ANKS1B: variants seen among roughly 807,000 people sequenced by gnomAD.
ANKS1B encodes ankyrin repeat and sterile alpha motif domain containing 1B, also known as ankyrin repeat and sterile alpha motif domain-containing protein 1B.
ANKS1B carries 36 observed loss-of-function variants against 148.3 expected under a neutral mutation model. That is an observed-to-expected ratio of 0.24 (90% CI 0.19 to 0.32). ANKS1B has a LOEUF of 0.32. Ranked by LOEUF, ANKS1B falls within the 10% of genes least tolerant of loss-of-function variation. The probability of loss-of-function intolerance (pLI) is 1.00; values close to 1 mark genes in which losing one functional copy is unlikely to be tolerated. For synonymous variants in ANKS1B, 542 were observed against 560.8 expected, an observed-to-expected ratio of 0.97 and a Z score of 0.47; for missense variants, 1,157 against 1,542.6, an observed-to-expected ratio of 0.75 and a Z score of 4.19.
chr12:98,905,292 T>C (rs1317177347), intron 17 of ANKS1B, among the ~76,000 whole-genome samples: 1 of 152,194 alleles, frequency 6.6e-6, no homozygotes, highest in Admixed American at 6.5e-5. Flanking sequence ...GTCAGAACAG[T>C]GACAGATAAC....
At chr12:99,523,844 A>C (rs1402198645) in intron 9 of ANKS1B, among the ~76,000 whole-genome samples, 1 of 152,066 alleles carries the variant, frequency 6.6e-6, no homozygotes, top group African/African-American at 2.4e-5. Flanking sequence ...GAGCCACCAC[A>C]CCCAGCCTAT....
chr12:99,261,835 C>A (rs113823506), intron 12 of ANKS1B, among the ~76,000 whole-genome samples: 1 of 152,074 alleles, frequency 6.6e-6, no homozygotes, highest in African/African-American at 2.4e-5. Flanking sequence ...TTCAATGGCA[C>A]CTTGATCCAC....
intron 1 of ANKS1B, among the ~76,000 whole-genome samples, chr12:99,853,556 C>T (rs1318448908): frequency 6.6e-6 from 1 of 152,132 alleles, no homozygotes; most frequent in Non-Finnish European, 1.5e-5. Flanking sequence ...ATCAAGGGAG[C>T]ACCCTGTGGT....
chr12:99,098,668 A>G (rs2057042120), intron 15 of ANKS1B, among the ~76,000 whole-genome samples: 1 of 60,130 alleles, frequency 1.7e-5, no homozygotes, highest in Admixed American at 2.8e-4. Context: ...TTTAGAACAT[A>G]GCACTGTAAA....
At chr12:99,502,355 T>A (rs994996431) in intron 10 of ANKS1B, among the ~76,000 whole-genome samples, 2 of 152,176 alleles carry the variant, frequency 1.3e-5, no homozygotes, top group African/African-American at 2.4e-5. Flanking sequence ...ATGACCGCTG[T>A]GGGTCACTTT....
intron 17 of ANKS1B, among the ~76,000 whole-genome samples, chr12:98,972,527 G>A (rs2099884158): frequency 6.6e-6 from 1 of 152,170 alleles, no homozygotes; most frequent in African/African-American, 2.4e-5. Flanking sequence ...ACCAAGTTGA[G>A]ATCATTGCCC....
chr12:99,417,704 C>A (rs2094951508), intron 11 of ANKS1B, among the ~76,000 whole-genome samples: 1 of 152,010 alleles, frequency 6.6e-6, no homozygotes, highest in Non-Finnish European at 1.5e-5. Flanking sequence ...CTTCTTTGAA[C>A]ATTTTTTTTC....
At chr12:99,976,347 A>C (rs1462221479) in intron 1 of ANKS1B, among the ~76,000 whole-genome samples, 1 of 152,208 alleles carries the variant, frequency 6.6e-6, no homozygotes, top group Admixed American at 6.5e-5. Flanking sequence ...ATCTGTTGAA[A>C]ATTTTTTTTA....
At chr12:99,879,444 G>A (rs935385953) in intron 1 of ANKS1B, among the ~76,000 whole-genome samples, 2 of 152,156 alleles carry the variant, frequency 1.3e-5, no homozygotes, top group Admixed American at 1.3e-4. Flanking sequence ...GCCTAGTAGG[G>A]ATGACTGAAA....
At chr12:98,741,067 A>T (rs2097796176), downstream of ANKS1B, among the ~76,000 whole-genome samples, 1 of 152,180 alleles carries the variant, frequency 6.6e-6, no homozygotes, top group Non-Finnish European at 1.5e-5. Flanking sequence ...CTATCTCTGA[A>T]GTTCATGTTA....
intron 24 of ANKS1B, among the ~76,000 whole-genome samples, chr12:98,778,951 T>C (rs1490097378): frequency 6.6e-6 from 1 of 152,100 alleles, no homozygotes; most frequent in Non-Finnish European, 1.5e-5. Flanking sequence ...GGACCCTGTA[T>C]AGCCAGTTGA....
chr12:99,074,487 T>C (rs1364331500), intron 16 of ANKS1B, among the ~76,000 whole-genome samples: 2 of 152,182 alleles, frequency 1.3e-5, no homozygotes, highest in Admixed American at 6.5e-5. Flanking sequence ...TAAAAATCTA[T>C]CCAGCCCATA....
At chr12:99,759,602 T>A (rs1402596435) in intron 8 of ANKS1B, among the ~76,000 whole-genome samples, 1 of 151,980 alleles carries the variant, frequency 6.6e-6, no homozygotes, top group Non-Finnish European at 1.5e-5. Flanking sequence ...CTCGCCTGAT[T>A]TCCTTTGGCA....
intron 1 of ANKS1B, among the ~76,000 whole-genome samples, chr12:99,903,563 CCAATAGAAGCA>C (rs1458663493): frequency 2.0e-5 from 3 of 152,170 alleles, no homozygotes; most frequent in Non-Finnish European, 4.4e-5. Flanking sequence ...GTAGTGCTGT[CCAATAGAAGCA>C]TAATACAAGC....
At chr12:99,807,312 G>A (rs1160539606) in intron 3 of ANKS1B, among the ~76,000 whole-genome samples, 2 of 152,146 alleles carry the variant, frequency 1.3e-5, no homozygotes, top group Admixed American at 6.5e-5. Context: ...CAAGTTACTA[G>A]GAGTATCACA....
intron 1 of ANKS1B, among the ~76,000 whole-genome samples, chr12:99,939,602 A>G (rs1281068210): frequency 4.6e-5 from 7 of 152,122 alleles, no homozygotes. Flanking sequence ...AAATATTTTC[A>G]CATAAGGAAT....
chr12:98,888,105 T>A (rs1428712556), intron 17 of ANKS1B, among the ~76,000 whole-genome samples: 1 of 152,210 alleles, frequency 6.6e-6, no homozygotes, highest in Non-Finnish European at 1.5e-5. Flanking sequence ...AAAAATTTAA[T>A]CTTTGTATTA....
rs181555791 is a variant in ANKS1B at position 98,813,107 on chromosome 12, A to G, written c.3067-5189T>C. On this transcript the variant is annotated intron_variant, in intron 19 of 26. Coordinates refer to ENST00000683438, the MANE Select transcript of ANKS1B (RefSeq NM_001352186.2). Reference sequence around the variant, plus strand: ...AATAACATTTCAGGGTAAAACATGTATTGAAGTACTGAGTTTTGAAAAGTT... The same window carrying G: ...AATAACATTTCAGGGTAAAACATGTGTTGAAGTACTGAGTTTTGAAAAGTT... Among the ~76,000 whole-genome samples, 344 of 152,330 alleles carry G rather than the reference A, an allele frequency of 2.3e-3. 1 individual carries two copies. The highest frequency in any genetic ancestry group is 7.9e-3 in the African/African-American group (327 of 41,580).
chr12:99,606,330 G>A (rs1308768015), intron 9 of ANKS1B, among the ~76,000 whole-genome samples: 1 of 151,836 alleles, frequency 6.6e-6, no homozygotes, highest in East Asian at 1.9e-4. Flanking sequence ...TATTCATTAT[G>A]AAACATTTTA....
Sources: gnomAD v4.1 joint callset for allele counts (sites outside exome capture counted in the v4.1 genomes callset) on GRCh38, gnomAD v4.1.1 for gene constraint, MANE v1.5 for transcripts, NCBI Gene and HGNC (gene_info 2026-07-23, HGNC 2026-07-21) for gene names.